ZNF385D: variants seen among roughly 807,000 people sequenced by gnomAD.
The protein encoded by ZNF385D is zinc finger protein 659.
Under a neutral mutation model 35.8 loss-of-function variants are expected in ZNF385D, and 15 were observed. The observed-to-expected ratio is 0.42, with a 90% CI of 0.28 to 0.64. The LOEUF is 0.64. Ranked by LOEUF, ZNF385D falls within the 30% of genes least tolerant of loss-of-function variation. ZNF385D has a pLI of 0.23. For synonymous variants in ZNF385D, 212 were observed against 186.8 expected (o/e 1.13, Z -1.10); for missense variants, 474 against 494.6 (o/e 0.96, Z 0.39).
intron 3 of ZNF385D, among the ~76,000 whole-genome samples, chr3:22,002,651 A>C (rs1695928478): frequency 6.6e-6 from 1 of 152,166 alleles, no homozygotes; most frequent in Non-Finnish European, 1.5e-5. Flanking sequence ...CAAATTCTGC[A>C]CATCAATATC....
chr3:22,012,231 G>T (rs1349878328), intron 3 of ZNF385D, among the ~76,000 whole-genome samples: 1 of 152,066 alleles, frequency 6.6e-6, no homozygotes, highest in Non-Finnish European at 1.5e-5. Flanking sequence ...GACATTTTAA[G>T]AATTATTGCA....
chr3:21,926,432 G>A (rs770649141), intron 3 of ZNF385D, among the ~76,000 whole-genome samples: 1 of 152,074 alleles, frequency 6.6e-6, no homozygotes, highest in Non-Finnish European at 1.5e-5. Context: ...ATGGTTTCCA[G>A]CTTAATCCAT....
intron 3 of ZNF385D, among the ~76,000 whole-genome samples, chr3:22,121,820 C>A (rs1420643963): frequency 1.3e-5 from 2 of 152,036 alleles, no homozygotes; most frequent in Admixed American, 1.3e-4. Context: ...TTTCCTTTAG[C>A]CTTAAAATAG....
intron 3 of ZNF385D, among the ~76,000 whole-genome samples, chr3:21,964,840 G>A (rs1198945401): frequency 6.6e-6 from 1 of 152,016 alleles, no homozygotes; most frequent in Non-Finnish European, 1.5e-5. Flanking sequence ...TATGTTCAAA[G>A]GTAATAATTT....
rs879858626 is a variant in ZNF385D at position 21,414,256 on chromosome 3, A to G, written c.*6958T>C. On this transcript the variant is annotated 3_prime_UTR_variant, in exon 8 of 8. Coordinates refer to ENST00000281523, the MANE Select transcript of ZNF385D (RefSeq NM_024697.3). ...AGTTAGGAGACCTTAGTTGAAACTG[A>G]CATAAGATTTTTGCTGATAAAATAA... 2.4e-4 allele frequency: 37 copies of G among 152,206 alleles called. No homozygotes were observed. The highest frequency in any genetic ancestry group is 3.8e-4 in the Non-Finnish European group (26 of 67,982). 9.4% of individuals were successfully genotyped at this position (152,206 alleles called of 1,614,324 possible).
At chr3:21,956,681 G>C (rs1033136340) in intron 3 of ZNF385D, among the ~76,000 whole-genome samples, 6 of 151,298 alleles carry the variant, frequency 4.0e-5, no homozygotes, top group African/African-American at 1.5e-4. Context: ...AGTGATAAAT[G>C]ATTTTCGTCA....
In ZNF385D at chr3:21,465,720, C is replaced by T. The variant is rs1422751372; in HGVS notation, c.440-28517G>A. Among the ~76,000 whole-genome samples, 2 of 152,152 alleles carry T rather than the reference C, an allele frequency of 1.3e-5. No homozygotes were observed. Among genetic ancestry groups the T allele is most frequent in the Non-Finnish European group, 2.9e-5 (2 of 68,026 alleles). On this transcript the variant is annotated intron_variant, in intron 4 of 7. Transcript: ENST00000281523. The surrounding 1 kb of genome is among the most constrained non-coding windows in gnomAD (Gnocchi z 4.2). ...GTGAAAATTCACCTGTGTGAATTTACAACATTTCTATAATTTGTTTCTTTA... is the reference window on the plus strand; with the variant it reads ...GTGAAAATTCACCTGTGTGAATTTATAACATTTCTATAATTTGTTTCTTTA...
At chr3:22,116,257 T>C (rs1702806417) in intron 3 of ZNF385D, among the ~76,000 whole-genome samples, 1 of 152,088 alleles carries the variant, frequency 6.6e-6, no homozygotes, top group South Asian at 2.1e-4. Flanking sequence ...ATTTCCCGGA[T>C]GTCTACATTT....
chr3:21,722,099 C>CAA (rs56852209), intron 1 of ZNF385D, among the ~76,000 whole-genome samples: 12,689 of 112,236 alleles, frequency 0.11, 830 homozygotes, highest in South Asian at 0.21. Flanking sequence ...GACTCTGTCT[C>CAA]AAAAAAAAAA....
At chr3:22,215,387 G>T (rs1697805661) in intron 2 of ZNF385D, among the ~76,000 whole-genome samples, 1 of 151,964 alleles carries the variant, frequency 6.6e-6, no homozygotes, top group Non-Finnish European at 1.5e-5. Flanking sequence ...CTTTTTCTCA[G>T]CAAGGAACAT....
At chr3:21,597,364 A>G (rs560030316) in intron 2 of ZNF385D, among the ~76,000 whole-genome samples, 13 of 152,160 alleles carry the variant, frequency 8.5e-5, no homozygotes, top group Non-Finnish European at 1.5e-4. Context: ...TTAATTCAAA[A>G]AAAAAAGAAA....
intron 3 of ZNF385D, among the ~76,000 whole-genome samples, chr3:21,860,391 C>G (rs1483749654): frequency 6.6e-6 from 1 of 152,024 alleles, no homozygotes; most frequent in Non-Finnish European, 1.5e-5. Context: ...TTGACAACCC[C>G]CATATATCTA....
At chr3:21,619,518 C>A (rs1330440004) in intron 2 of ZNF385D, among the ~76,000 whole-genome samples, 1 of 151,966 alleles carries the variant, frequency 6.6e-6, no homozygotes, top group African/African-American at 2.4e-5. Flanking sequence ...AAATTCATAA[C>A]CCATTATCCA....
chr3:22,090,044 T>C (rs780586351), intron 3 of ZNF385D, among the ~76,000 whole-genome samples: 1 of 152,170 alleles, frequency 6.6e-6, no homozygotes, highest in Non-Finnish European at 1.5e-5. Flanking sequence ...TTCACCATGT[T>C]GGCCAGGATG....
At chr3:22,138,123 A>C (rs953834784) in intron 3 of ZNF385D, among the ~76,000 whole-genome samples, 39 of 152,200 alleles carry the variant, frequency 2.6e-4, no homozygotes, top group African/African-American at 6.5e-4. Context: ...CGTGAAGGAC[A>C]TCTTCGAGGA....
At chr3:21,823,774 T>C (rs1694425135) in intron 3 of ZNF385D, among the ~76,000 whole-genome samples, 2 of 152,254 alleles carry the variant, frequency 1.3e-5, no homozygotes, top group South Asian at 2.1e-4. Flanking sequence ...TACCTACATA[T>C]GATCAAAGCA....
chr3:22,095,280 T>C (rs531356542), intron 3 of ZNF385D, among the ~76,000 whole-genome samples: 13 of 152,014 alleles, frequency 8.6e-5, no homozygotes, highest in African/African-American at 3.1e-4. Context: ...CGTTTTATAT[T>C]ATTATTTTAT....
intron 1 of ZNF385D, among the ~76,000 whole-genome samples, chr3:21,722,658 T>A (rs1054112101): frequency 3.9e-5 from 6 of 152,200 alleles, no homozygotes; most frequent in Admixed American, 2.0e-4. Context: ...ACACCTCACA[T>A]TCTCTCTGAA....
chr3:22,212,533 A>G (rs2125263651), intron 2 of ZNF385D, among the ~76,000 whole-genome samples: 1 of 152,074 alleles, frequency 6.6e-6, no homozygotes, highest in East Asian at 1.9e-4. Context: ...CTTGGAATTA[A>G]TATGTCTCTA....
Sources: gnomAD v4.1 joint callset for allele counts (sites outside exome capture counted in the v4.1 genomes callset) on GRCh38, gnomAD v4.1.1 for gene constraint, Gnocchi (gnomAD v3.1) non-coding constraint, MANE v1.5 for transcripts, NCBI Gene and HGNC (gene_info 2026-07-23, HGNC 2026-07-21) for gene names.